CSMD1: variants seen among roughly 807,000 people sequenced by gnomAD.
The protein encoded by CSMD1 is CUB and sushi domain-containing protein 1.
A neutral mutation model predicts 417.5 loss-of-function variants in CSMD1; 213 were observed. The observed-to-expected ratio is 0.51, with a 90% confidence interval of 0.46 to 0.57. The LOEUF (loss-of-function observed/expected upper bound fraction) is 0.57. CSMD1 is among the 20% of genes least tolerant of loss of function. The probability of loss-of-function intolerance (pLI) is 0.00; values close to 1 mark genes in which losing one functional copy is unlikely to be tolerated. For synonymous variants in CSMD1, 2,862 were observed against 1,736.8 expected (o/e 1.65, Z -16.11); for missense variants, 6,923 against 4,529.7 (o/e 1.53, Z -15.17).
chr8:4,002,916 C>G (rs912016637), intron 4 of CSMD1, among the ~76,000 whole-genome samples: 4 of 152,082 alleles, frequency 2.6e-5, no homozygotes, highest in African/African-American at 4.8e-5. Flanking sequence ...TCAAATTAAG[C>G]ATTATCTCAA....
rs560302270 is a variant in CSMD1, at chr8:4,021,542, G to A, written c.610+10363C>T. ...AGTGTGGATGCTCCAGCAAGGATCA[G>A]CTCCTTCTGAGCAGGTGCACCTGGG... On this transcript the variant is annotated intron_variant, in intron 4 of 69. Transcript: ENST00000635120. Among the ~76,000 whole-genome samples the A allele has an allele frequency of 2.0e-5, 3 of 152,298 alleles. No individual in the cohort carries two copies. The South Asian group carries it at 6.2e-4, about 32-fold the overall frequency.
chr8:4,946,726 G>A (rs1210681065), intron 1 of CSMD1, among the ~76,000 whole-genome samples: 5 of 152,120 alleles, frequency 3.3e-5, no homozygotes, highest in African/African-American at 4.8e-5. Context: ...ATGTGTAGTT[G>A]GTGTACAGTT....
intron 3 of CSMD1, among the ~76,000 whole-genome samples, chr8:4,327,958 G>A (rs2128888826): frequency 6.6e-6 from 1 of 152,274 alleles, no homozygotes; most frequent in Non-Finnish European, 1.5e-5. Flanking sequence ...TGATCTAGAA[G>A]TTGAATGAAA....
At chr8:4,925,918 C>T (rs1219198649) in intron 1 of CSMD1, among the ~76,000 whole-genome samples, 3 of 152,084 alleles carry the variant, frequency 2.0e-5, no homozygotes, top group African/African-American at 7.2e-5. Context: ...CTTTTATTTC[C>T]CTGGTCATTT....
At chr8:3,396,523 G>C (rs1811711661) in intron 16 of CSMD1, 142 bp from the exon 17 acceptor site, 2 of 600,686 alleles carry the variant, frequency 3.3e-6, no homozygotes, top group African/African-American at 1.9e-5. Flanking sequence ...CTTAAAACTT[G>C]GGTACAAATA....
At chr8:4,907,642 C>G (rs1805385663) in intron 1 of CSMD1, among the ~76,000 whole-genome samples, 1 of 152,076 alleles carries the variant, frequency 6.6e-6, no homozygotes, top group South Asian at 2.1e-4. Flanking sequence ...TCACTGCAGC[C>G]TCAATTTTCC....
chr8:3,493,867 G>C lies in CSMD1; in HGVS notation c.1345-141C>G, dbSNP rs866853949. ...AATGATCCCAGAGCTGCTTTAAGTA[G>C]TTACATGGATAATTATATATATTTG... On this transcript the variant is annotated intron_variant, in intron 10 of 69. Transcript: ENST00000635120. The C allele has an allele frequency of 2.1e-5, 12 of 569,570 alleles. No homozygotes were observed. The Middle Eastern group carries it at 9.0e-4, about 43-fold the overall frequency. 35.3% of individuals were successfully genotyped at this position (569,570 alleles called of 1,614,324 possible).
intron 5 of CSMD1, among the ~76,000 whole-genome samples, chr8:3,993,947 C>T (rs1427724777): frequency 2.0e-5 from 3 of 152,058 alleles, no homozygotes; most frequent in Admixed American, 6.5e-5. Flanking sequence ...GGGATGAAAA[C>T]GCCCAGTAAC....
intron 26 of CSMD1, among the ~76,000 whole-genome samples, chr8:3,251,713 A>G (rs1158539650): frequency 6.6e-6 from 1 of 152,116 alleles, no homozygotes. Context: ...ATGTTCTTCC[A>G]TTTGTTTGTC....
intron 12 of CSMD1, among the ~76,000 whole-genome samples, chr8:3,412,548 T>A (rs1334986009): frequency 1.3e-5 from 2 of 152,140 alleles, no homozygotes; most frequent in South Asian, 2.1e-4. Flanking sequence ...CATGAAGATG[T>A]TGAATACATA....
intron 5 of CSMD1, among the ~76,000 whole-genome samples, chr8:3,937,564 T>C (rs1197470799): frequency 2.0e-5 from 3 of 152,174 alleles, no homozygotes; most frequent in Non-Finnish European, 2.9e-5. Context: ...CTCAACAGAA[T>C]GCAGTGTCAT....
intron 36 of CSMD1, among the ~76,000 whole-genome samples, chr8:3,187,469 A>G (rs1222250151): frequency 6.6e-6 from 1 of 152,174 alleles, no homozygotes. Context: ...GTAGAATCTC[A>G]GGACTAGCTG....
chr8:4,065,933 G>C (rs906069444), intron 3 of CSMD1, among the ~76,000 whole-genome samples: 2 of 152,168 alleles, frequency 1.3e-5, no homozygotes, highest in East Asian at 1.9e-4. Context: ...ATGAGAGTTA[G>C]AGAAAACTGA....
intron 26 of CSMD1, among the ~76,000 whole-genome samples, chr8:3,264,572 G>C (rs190865779): frequency 3.3e-5 from 5 of 152,148 alleles, no homozygotes; most frequent in African/African-American, 1.2e-4. Flanking sequence ...CTCTAGAACA[G>C]AGAATAAATA....
At chr8:3,167,035 C>T (rs1820267165) in intron 37 of CSMD1, among the ~76,000 whole-genome samples, 1 of 152,084 alleles carries the variant, frequency 6.6e-6, no homozygotes, top group African/African-American at 2.4e-5. Context: ...GCCTGTCATC[C>T]CAGCACTTTG....
At chr8:3,772,777 C>G (rs1186418967) in intron 5 of CSMD1, among the ~76,000 whole-genome samples, 3 of 151,190 alleles carry the variant, frequency 2.0e-5, no homozygotes, top group Non-Finnish European at 2.9e-5. Context: ...AATGTCTGGT[C>G]TATAAAGCAC....
At chr8:3,460,170 G>T (rs75614194) in intron 12 of CSMD1, among the ~76,000 whole-genome samples, 2 of 152,144 alleles carry the variant, frequency 1.3e-5, no homozygotes, top group African/African-American at 2.4e-5. Context: ...CATAATCTAG[G>T]ATGTGAGGCT....
chr8:3,493,783 A>G (rs1796237480), intron 10 of CSMD1, 57 bp from the exon 11 acceptor site: 1 of 1,424,654 alleles, frequency 7.0e-7, no homozygotes, highest in Admixed American at 2.0e-5. Context: ...CATGACTTTT[A>G]ATAGGTATTG....
intron 3 of CSMD1, among the ~76,000 whole-genome samples, chr8:4,340,643 G>C (rs370933676): frequency 7.9e-5 from 12 of 152,090 alleles, no homozygotes; most frequent in Non-Finnish European, 1.2e-4. Flanking sequence ...GCCAAGTGGA[G>C]CTTGGTCGTG....
Sources: gnomAD v4.1 joint callset for allele counts (sites outside exome capture counted in the v4.1 genomes callset) on GRCh38, gnomAD v4.1.1 for gene constraint, MANE v1.5 for transcripts, NCBI Gene and HGNC (gene_info 2026-07-23, HGNC 2026-07-21) for gene names.